STXBP4: variants seen among roughly 807,000 people sequenced by gnomAD.
STXBP4 encodes syntaxin binding protein 4, also known as syntaxin-binding protein 4.
Under a neutral mutation model 76.1 loss-of-function variants are expected in STXBP4, and 55 were observed. The observed-to-expected ratio is 0.72, with a 90% CI of 0.58 to 0.91. The LOEUF (loss-of-function observed/expected upper bound fraction) is 0.91, where lower values mean the gene tolerates loss of function less well. Ranked by LOEUF, STXBP4 falls within the 40% of genes least tolerant of loss-of-function variation. STXBP4 has a pLI of 0.00. For synonymous variants in STXBP4, 201 were observed against 220.2 expected, an observed-to-expected ratio of 0.91 and a Z score of 0.77; for missense variants, 618 against 636.9, an observed-to-expected ratio of 0.97 and a Z score of 0.32.
intron 16 of STXBP4, among the ~76,000 whole-genome samples, chr17:55,120,303 C>T (rs9903885): frequency 0.014 from 2,187 of 152,188 alleles, 53 homozygotes; most frequent in African/African-American, 0.049. Flanking sequence ...GTCAGTGAGC[C>T]GTATGGGATG....
chr17:55,133,801 C>T (rs1263630925), intron 16 of STXBP4, among the ~76,000 whole-genome samples: 5 of 152,130 alleles, frequency 3.3e-5, no homozygotes, highest in East Asian at 1.9e-4. Flanking sequence ...CATAAAGTGA[C>T]AAGAGCTGTT....
chr17:55,114,228 G>T (rs550273774), intron 16 of STXBP4, among the ~76,000 whole-genome samples: 5 of 151,840 alleles, frequency 3.3e-5, no homozygotes, highest in African/African-American at 9.6e-5. Context: ...ATATAATCTG[G>T]GTTGGAAGCC....
At chr17:54,990,697 C>A in intron 3 of STXBP4, 128 bp from the exon 4 acceptor site, 1 of 1,133,612 alleles carries the variant, frequency 8.8e-7, no homozygotes, top group Non-Finnish European at 1.2e-6. Context: ...TGAAACAAGT[C>A]CCTGGTACCA....
At chr17:55,106,001 C>T (rs1229420201) in intron 16 of STXBP4, among the ~76,000 whole-genome samples, 1 of 152,094 alleles carries the variant, frequency 6.6e-6, no homozygotes, top group Non-Finnish European at 1.5e-5. Context: ...AGTTCAAGTC[C>T]TGAATATCCT....
the STXBP4 span, among the ~76,000 whole-genome samples, chr17:55,185,271 TTCTC>T: frequency 3.4e-5 from 2 of 59,108 alleles, no homozygotes; most frequent in African/African-American, 7.8e-5. Flanking sequence ...CTCCTTCTCC[TTCTC>T]CTTCTCCTTC....
intron 17 of STXBP4, among the ~76,000 whole-genome samples, chr17:55,142,729 C>G (rs2080108536): frequency 6.6e-6 from 1 of 152,072 alleles, no homozygotes. Flanking sequence ...TAGAGATAAA[C>G]CTGGCAAAGT....
At chr17:55,085,689 G>T (rs528224481) in intron 16 of STXBP4, among the ~76,000 whole-genome samples, 1 of 152,158 alleles carries the variant, frequency 6.6e-6, no homozygotes, top group African/African-American at 2.4e-5. Flanking sequence ...ACAGTTCTGG[G>T]TAATAGATGG....
At chr17:55,177,131 T>C (rs977112916), downstream of STXBP4, among the ~76,000 whole-genome samples, 3 of 152,128 alleles carry the variant, frequency 2.0e-5, no homozygotes, top group Non-Finnish European at 2.9e-5. Context: ...TTCCCTCTTA[T>C]CTCTGTACCT....
chr17:54,993,453 C>G (rs2077749870), intron 4 of STXBP4, among the ~76,000 whole-genome samples: 2 of 151,474 alleles, frequency 1.3e-5, no homozygotes, highest in African/African-American at 4.9e-5. Flanking sequence ...TACACTCCAG[C>G]CTGGGCAACA....
Position 55,172,709 on chromosome 17 carries a change from A to G in STXBP4, c.*12798A>G, listed in dbSNP as rs1466233894. ...AGGGCAAGCATTATTTCTAATTTGC[A>G]TATGAGAAAAAACTAAGGCTCGGAT... On this transcript the variant is annotated 3_prime_UTR_variant, in exon 18 of 18. Coordinates refer to ENST00000376352, the MANE Select transcript of STXBP4 (RefSeq NM_178509.6). 2 of 152,224 alleles carry G rather than the reference A, an allele frequency of 1.3e-5. No individual in the cohort carries two copies. Among genetic ancestry groups the G allele is most frequent in the Admixed American group, 6.5e-5 (1 of 15,276 alleles). 9.4% of individuals were successfully genotyped at this position (152,224 alleles called of 1,614,324 possible).
intron 8 of STXBP4, among the ~76,000 whole-genome samples, chr17:55,017,408 G>T (rs1415010982): frequency 6.6e-6 from 1 of 152,080 alleles, no homozygotes. Context: ...GACTCCCTGG[G>T]TTTATAGCCT....
intron 16 of STXBP4, among the ~76,000 whole-genome samples, chr17:55,086,117 T>A (rs2628298): frequency 0.8 from 122,195 of 152,136 alleles, 49,646 homozygotes; most frequent in African/African-American, 0.92. Context: ...ATTCAAAGAA[T>A]ATATTCGAAA....
chr17:55,151,397 A>G (rs2080216205), intron 17 of STXBP4, among the ~76,000 whole-genome samples: 1 of 152,244 alleles, frequency 6.6e-6, no homozygotes, highest in South Asian at 2.1e-4. Flanking sequence ...AGAATGTTGT[A>G]AAGTACAAAA....
At chr17:55,123,899 A>C (rs79075858) in intron 16 of STXBP4, among the ~76,000 whole-genome samples, 1 of 145,638 alleles carries the variant, frequency 6.9e-6, no homozygotes, top group Non-Finnish European at 1.5e-5. Context: ...ACTCAGTCTC[A>C]AAAAAAAAAA....
chr17:54,983,796 A>G (rs2077584145), intron 1 of STXBP4, among the ~76,000 whole-genome samples: 1 of 152,142 alleles, frequency 6.6e-6, no homozygotes, highest in Non-Finnish European at 1.5e-5. Flanking sequence ...GCAGTCTATA[A>G]TGAACTTATG....
chr17:54,992,846 G>A (rs564492799), intron 4 of STXBP4, among the ~76,000 whole-genome samples: 72 of 151,614 alleles, frequency 4.7e-4, no homozygotes, highest in Admixed American at 4.0e-4. Flanking sequence ...CCTAGTAGCT[G>A]GGATTACAGG....
intron 12 of STXBP4, among the ~76,000 whole-genome samples, chr17:55,066,776 G>A (rs576983784): frequency 1.1e-3 from 162 of 152,182 alleles, no homozygotes; most frequent in African/African-American, 3.3e-3. Context: ...TTCGGAGGCC[G>A]AGGTGGGTGG....
At chr17:55,145,759 A>G (rs933489351) in intron 17 of STXBP4, among the ~76,000 whole-genome samples, 1 of 152,088 alleles carries the variant, frequency 6.6e-6, no homozygotes, top group African/African-American at 2.4e-5. Flanking sequence ...GTACCAATGT[A>G]TATATGCATA....
the STXBP4 span, among the ~76,000 whole-genome samples, chr17:55,183,148 T>A: frequency 6.6e-6 from 1 of 152,232 alleles, no homozygotes; most frequent in African/African-American, 2.4e-5. Flanking sequence ...TCAAATATTC[T>A]AATGTCCTTG....
Sources: allele counts gnomAD v4.1 joint callset (sites outside exome capture counted in the v4.1 genomes callset), GRCh38; gene constraint gnomAD v4.1.1; transcripts MANE v1.5; gene names NCBI Gene and HGNC (gene_info 2026-07-23, HGNC 2026-07-21).